The following TEX11 variants were observed in gnomAD, a reference collection of about 807,000 sequenced individuals.
The protein encoded by TEX11 is testis-expressed protein 11.
A neutral mutation model predicts 84.4 loss-of-function variants in TEX11; 7 were observed. The ratio of observed to expected loss-of-function variants is 0.08; its 90% CI spans 0.05 to 0.16. The LOEUF (loss-of-function observed/expected upper bound fraction) is 0.16, where lower values mean the gene tolerates loss of function less well. TEX11 is among the 10% of genes least tolerant of loss of function. The probability of loss-of-function intolerance (pLI) is 1.00; values close to 1 mark genes in which losing one functional copy is unlikely to be tolerated. For missense variants in TEX11, 551 were observed against 660.5 expected, an observed-to-expected ratio of 0.83 and a Z score of 1.82; for synonymous variants, 264 against 222.8, an observed-to-expected ratio of 1.18 and a Z score of -1.64.
At chrX:70,759,168 C>A (rs1023528940) in intron 9 of TEX11, among the ~76,000 whole-genome samples, 1 of 111,725 alleles carries the variant, frequency 9.0e-6, no homozygotes, top group African/African-American at 3.3e-5. Context: ...GACGGACTCA[C>A]AGCCAAATTC....
chrX:70,740,815 G>GA lies in TEX11; in HGVS notation c.748-20dup, dbSNP rs972396036. ...CTTTAGCCTGTAAGAAAAAAAAAAA[G>GA]AAAAAAAGCACATATCTGATGGTTA... is the stretch of plus-strand genomic sequence containing the variant. On this transcript the variant is annotated intron_variant, in intron 10 of 29. Coordinates refer to ENST00000374333, the MANE Select transcript of TEX11 (RefSeq NM_031276.3). The GA allele has an allele frequency of 4.9e-6, 5 of 1,020,979 alleles. No homozygotes were observed. In the African/African-American group the frequency reaches 7.8e-5, roughly 16 times the overall value. 84.1% of individuals were successfully genotyped at this position (1,020,979 alleles called of 1,213,427 possible). A position where few individuals can be genotyped will look rare whatever the true frequency, so the allele number is the denominator to read the frequency against.
chrX:70,532,992 C>T (rs1471578056), intron 28 of TEX11, among the ~76,000 whole-genome samples: 3 of 109,496 alleles, frequency 2.7e-5, no homozygotes, highest in African/African-American at 1.0e-4. Context: ...GAGCCAAGAT[C>T]GCACCACTGC....
intron 9 of TEX11, among the ~76,000 whole-genome samples, chrX:70,768,721 G>C (rs2090955807): frequency 9.0e-6 from 1 of 111,241 alleles, no homozygotes; most frequent in Non-Finnish European, 1.9e-5. Context: ...TGACATGTGG[G>C]GATTACAATT....
chrX:70,733,747 G>T (rs1045733706), intron 11 of TEX11, among the ~76,000 whole-genome samples: 1 of 111,648 alleles, frequency 9.0e-6, no homozygotes, highest in African/African-American at 3.3e-5. Context: ...TCAGTGTGGC[G>T]ATTCCTCAGG....
chrX:70,676,842 C>T (rs547074879), intron 15 of TEX11, among the ~76,000 whole-genome samples: 1 of 111,593 alleles, frequency 9.0e-6, no homozygotes, highest in South Asian at 3.8e-4. Flanking sequence ...GTCTTTTCTT[C>T]TACAATGTCT....
intron 8 of TEX11, among the ~76,000 whole-genome samples, chrX:70,807,834 T>G (rs111626302): frequency 0.033 from 3,672 of 110,706 alleles, 156 homozygotes; most frequent in African/African-American, 0.11. Context: ...CCAGGCACGG[T>G]GGCTCACACC....
intron 13 of TEX11, among the ~76,000 whole-genome samples, chrX:70,713,583 G>T (rs1468339959): frequency 8.9e-6 from 1 of 112,040 alleles, no homozygotes; most frequent in East Asian, 2.8e-4. Flanking sequence ...TTGTGTAGAG[G>T]TGTTTGTAGT....
chrX:70,869,726 A>G (rs1398517029), intron 4 of TEX11, among the ~76,000 whole-genome samples: 1 of 110,240 alleles, frequency 9.1e-6, no homozygotes, highest in African/African-American at 3.3e-5. Flanking sequence ...GCAGTGAGTC[A>G]ATATTGCACC....
intron 25 of TEX11, among the ~76,000 whole-genome samples, chrX:70,591,290 G>A (rs923165404): frequency 2.7e-5 from 3 of 110,617 alleles, no homozygotes; most frequent in African/African-American, 9.8e-5. Context: ...ATAGAGTGGG[G>A]AAAAAATCAG....
intron 2 of TEX11, among the ~76,000 whole-genome samples, chrX:70,886,976 G>C (rs1045553641): frequency 9.0e-6 from 1 of 111,709 alleles, no homozygotes; most frequent in Non-Finnish European, 1.9e-5. Flanking sequence ...TGAATGCGCT[G>C]GTTCACACCT....
intron 13 of TEX11, among the ~76,000 whole-genome samples, chrX:70,710,895 G>A (rs768503972): frequency 1.0e-3 from 115 of 110,149 alleles, no homozygotes; most frequent in East Asian, 4.6e-3. Flanking sequence ...CCATTAACTC[G>A]TCATTTAACA....
At chrX:70,869,647 ATGCCT>A (rs1299135269) in intron 4 of TEX11, among the ~76,000 whole-genome samples, 1 of 111,430 alleles carries the variant, frequency 9.0e-6, no homozygotes, top group Non-Finnish European at 1.9e-5. Context: ...GTGATGCCAC[ATGCCT>A]TGTAGTCCCA....
At chrX:70,704,115 G>GTCTCTC (rs112493809) in intron 13 of TEX11, among the ~76,000 whole-genome samples, 1 of 103,636 alleles carries the variant, frequency 9.6e-6, no homozygotes, top group Non-Finnish European at 2.0e-5. Context: ...CTCTGTCTCT[G>GTCTCTC]TCTCTCTCTC....
chrX:70,645,126 T>G (rs1462595215), intron 17 of TEX11, among the ~76,000 whole-genome samples: 1 of 109,552 alleles, frequency 9.1e-6, no homozygotes, highest in Non-Finnish European at 1.9e-5. Flanking sequence ...AAATAATGAA[T>G]AAGGAGATTA....
At chrX:70,788,129 T>C (rs1224084811) in intron 9 of TEX11, among the ~76,000 whole-genome samples, 1 of 111,665 alleles carries the variant, frequency 9.0e-6, no homozygotes, top group African/African-American at 3.2e-5. Flanking sequence ...CTATAAAAAT[T>C]CCAATATCAA....
At chrX:70,548,539 A>G (rs1434012426) in intron 28 of TEX11, among the ~76,000 whole-genome samples, 1 of 111,476 alleles carries the variant, frequency 9.0e-6, no homozygotes, top group Non-Finnish European at 1.9e-5. Context: ...TGAACTGCCA[A>G]TGCCACCCCT....
chrX:70,545,346 T>A (rs1209780407), intron 28 of TEX11, among the ~76,000 whole-genome samples: 1 of 112,501 alleles, frequency 8.9e-6, no homozygotes, highest in Non-Finnish European at 1.9e-5. Context: ...CTATTTTTAA[T>A]TTTTTAAAAA....
At chrX:70,752,385 C>T (rs1203808684) in intron 9 of TEX11, among the ~76,000 whole-genome samples, 1 of 108,362 alleles carries the variant, frequency 9.2e-6, no homozygotes, top group Admixed American at 9.9e-5. Flanking sequence ...ATTAGCCGGG[C>T]GTGGTGGCAC....
rs1308333971 is a variant in TEX11 at position 70,634,708 on chromosome X, T to C, written c.1484-4973A>G. Among the ~76,000 whole-genome samples the C allele has an allele frequency of 5.6e-4, 54 of 96,733 alleles. 1 individual carries two copies. Among genetic ancestry groups the C allele is most frequent in the Non-Finnish European group, 1.3e-4 (6 of 47,426 alleles). 84.0% of individuals were successfully genotyped at this position (96,733 alleles called of 115,157 possible). On this transcript the variant is annotated intron_variant, in intron 17 of 29. Coordinates refer to ENST00000374333, the MANE Select transcript of TEX11 (RefSeq NM_031276.3). ...TGATGCTGGAACAATTGGATAGTCA[T>C]GTGCAAAAAAAAAAAAAAATTTTCA...
Sources: allele counts gnomAD v4.1 joint callset (sites outside exome capture counted in the v4.1 genomes callset), GRCh38; gene constraint gnomAD v4.1.1; transcripts MANE v1.5; gene names NCBI Gene and HGNC (gene_info 2026-07-23, HGNC 2026-07-21).